GSG1L: variants seen among roughly 807,000 people sequenced by gnomAD.
GSG1L encodes the protein germ cell-specific gene 1-like protein.
GSG1L carries 24 observed loss-of-function variants against 42.1 expected under a neutral mutation model. The ratio of observed to expected loss-of-function variants is 0.57; its 90% CI spans 0.41 to 0.80. GSG1L has a LOEUF of 0.80. Ranked by LOEUF, GSG1L falls within the 30% of genes least tolerant of loss-of-function variation. The pLI is 0.00. For missense variants in GSG1L, 445 were observed against 472.2 expected (o/e 0.94, Z 0.53); for synonymous variants, 215 against 203.5 (o/e 1.06, Z -0.48).
intron 2 of GSG1L, among the ~76,000 whole-genome samples, chr16:27,922,433 C>T (rs1410927232): frequency 1.3e-5 from 2 of 152,168 alleles, no homozygotes; most frequent in Non-Finnish European, 2.9e-5. Flanking sequence ...TCTATTTAAC[C>T]TAGTAAGTTT....
At chr16:27,816,136 C>A (rs557339056) in intron 5 of GSG1L, among the ~76,000 whole-genome samples, 70 of 152,300 alleles carry the variant, frequency 4.6e-4, no homozygotes, top group African/African-American at 1.6e-3. Flanking sequence ...ATATTCAGCC[C>A]CACCTCCCAG....
At chr16:28,044,201 A>G (rs2086139079) in intron 1 of GSG1L, among the ~76,000 whole-genome samples, 1 of 151,586 alleles carries the variant, frequency 6.6e-6, no homozygotes, top group Non-Finnish European at 1.5e-5. Context: ...ATATGGTACA[A>G]CCCCATCTCT....
chr16:27,961,014 T>G (rs529258611), intron 2 of GSG1L, among the ~76,000 whole-genome samples: 7 of 152,098 alleles, frequency 4.6e-5, no homozygotes, highest in Non-Finnish European at 8.8e-5. Flanking sequence ...GCCACCCACC[T>G]GCCACTGTAC....
intron 5 of GSG1L, among the ~76,000 whole-genome samples, chr16:27,821,132 C>T (rs1057274941): frequency 1.6e-4 from 25 of 152,166 alleles, no homozygotes; most frequent in Non-Finnish European, 1.2e-4. Context: ...TTCCGGGAGA[C>T]TCGATTGTGC....
At chr16:28,028,900 AG>A (rs2085927465) in intron 1 of GSG1L, among the ~76,000 whole-genome samples, 1 of 152,214 alleles carries the variant, frequency 6.6e-6, no homozygotes. Context: ...CCTGGGCTTC[AG>A]GGAGCTCTCA....
intron 1 of GSG1L, among the ~76,000 whole-genome samples, chr16:28,058,458 G>T (rs983042417): frequency 1.1e-4 from 16 of 151,900 alleles, no homozygotes; most frequent in Non-Finnish European, 1.9e-4. Context: ...GTGAAACCTC[G>T]TCTCTACAAA....
chr16:27,889,184 C>T (rs1168175509), intron 2 of GSG1L, among the ~76,000 whole-genome samples: 2 of 152,000 alleles, frequency 1.3e-5, no homozygotes, highest in African/African-American at 4.8e-5. Flanking sequence ...GAGACAGGGT[C>T]TCACTATGTT....
At chr16:27,816,682 A>T (rs2083097292) in intron 5 of GSG1L, among the ~76,000 whole-genome samples, 1 of 152,180 alleles carries the variant, frequency 6.6e-6, no homozygotes, top group Non-Finnish European at 1.5e-5. Flanking sequence ...ACATCACTGA[A>T]TGTGGAGCTG....
intron 2 of GSG1L, among the ~76,000 whole-genome samples, chr16:27,892,988 G>A (rs998880007): frequency 1.3e-5 from 2 of 152,150 alleles, no homozygotes; most frequent in African/African-American, 4.8e-5. Context: ...GGAAGGACAG[G>A]AAGTCAGAAC....
chr16:27,901,623 A>C (rs549719942), intron 2 of GSG1L, among the ~76,000 whole-genome samples: 5 of 152,248 alleles, frequency 3.3e-5, no homozygotes, highest in Non-Finnish European at 5.9e-5. Context: ...GTTTGGGAAG[A>C]GGCTGGGATC....
At chr16:27,996,562 G>A (rs188565282) in intron 1 of GSG1L, among the ~76,000 whole-genome samples, 3 of 152,120 alleles carry the variant, frequency 2.0e-5, no homozygotes, top group Admixed American at 2.0e-4. Context: ...AATATTAGTA[G>A]TACATGGAAA....
intron 6 of GSG1L, among the ~76,000 whole-genome samples, chr16:27,801,346 C>T (rs2082879673): frequency 6.6e-6 from 1 of 152,146 alleles, no homozygotes; most frequent in African/African-American, 2.4e-5. Flanking sequence ...GAAGAATCCC[C>T]GCTTCTCAGG....
At chr16:27,943,999 A>G (rs541092105) in intron 2 of GSG1L, among the ~76,000 whole-genome samples, 1 of 152,260 alleles carries the variant, frequency 6.6e-6, no homozygotes, top group South Asian at 2.1e-4. Flanking sequence ...TTTATTTACA[A>G]AAAAACACAA....
intron 1 of GSG1L, among the ~76,000 whole-genome samples, chr16:27,972,669 G>T (rs2085205910): frequency 1.3e-5 from 2 of 152,302 alleles, no homozygotes; most frequent in African/African-American, 2.4e-5. Flanking sequence ...CATGGAACTT[G>T]AAAGCTGAGA....
chr16:27,870,221 A>C (rs1423826468), intron 3 of GSG1L, among the ~76,000 whole-genome samples: 349 of 51,682 alleles, frequency 6.8e-3, no homozygotes, highest in African/African-American at 8.3e-3. Context: ...TTCTCTTTCC[A>C]TCTCTCTGTC....
rs539831196 is a variant in GSG1L, at chr16:27,892,486, G to T, written c.398-7848C>A. Among the ~76,000 whole-genome samples the T allele has an allele frequency of 1.2e-3, 180 of 151,932 alleles. 5 individuals carry two copies. Among genetic ancestry groups the T allele is most frequent in the Non-Finnish European group, 3.2e-4 (22 of 67,980 alleles). Reference sequence around the variant, plus strand: ...ATAAAAAAAATGAGTCACCTTGGCCGGGCTTGGTGGCTCACGCCTGTAATC... The same window carrying T: ...ATAAAAAAAATGAGTCACCTTGGCCTGGCTTGGTGGCTCACGCCTGTAATC... On this transcript the variant is annotated intron_variant, in intron 2 of 6. Coordinates refer to ENST00000447459, the MANE Select transcript of GSG1L (RefSeq NM_001109763.2).
intron 1 of GSG1L, among the ~76,000 whole-genome samples, chr16:28,045,647 A>T (rs1404527258): frequency 6.6e-6 from 1 of 152,222 alleles, no homozygotes; most frequent in African/African-American, 2.4e-5. Flanking sequence ...ATTGCACCCC[A>T]GCCTGAGCAA....
intron 3 of GSG1L, among the ~76,000 whole-genome samples, chr16:27,865,550 T>C (rs1206875184): frequency 1.0e-4 from 7 of 66,822 alleles, no homozygotes; most frequent in African/African-American, 4.6e-4. Flanking sequence ...TATATATATA[T>C]ATATATATAT....
chr16:27,814,086 A>G (rs1156244349), intron 5 of GSG1L, among the ~76,000 whole-genome samples: 1 of 152,094 alleles, frequency 6.6e-6, no homozygotes, highest in Admixed American at 6.6e-5. Flanking sequence ...TAATAGTCTG[A>G]TAGTCTGCCT....
Sources: gnomAD v4.1 joint callset for allele counts (sites outside exome capture counted in the v4.1 genomes callset) on GRCh38, gnomAD v4.1.1 for gene constraint, MANE v1.5 for transcripts, NCBI Gene and HGNC (gene_info 2026-07-23, HGNC 2026-07-21) for gene names.